Variants in POLE4 observed in about 807,000 individuals in gnomAD.
The protein encoded by POLE4 is DNA polymerase epsilon subunit 4.
A neutral mutation model predicts 15.6 loss-of-function variants in POLE4; 15 were observed. That is an observed-to-expected ratio of 0.96 (90% confidence interval 0.64 to 1.48). POLE4 has a LOEUF of 1.48. Ranked by LOEUF, POLE4 falls within the 40% of genes most tolerant of loss-of-function variation. The probability of loss-of-function intolerance (pLI) is 0.00; values close to 1 mark genes in which losing one functional copy is unlikely to be tolerated. For synonymous variants in POLE4, 83 were observed against 63.2 expected (o/e 1.31, Z -1.49); for missense variants, 205 against 151.9 (o/e 1.35, Z -1.84).
In POLE4 at chr2:74,958,658, G is replaced by A. The variant is rs891542492; in HGVS notation, c.-22G>A. On this transcript the variant is annotated 5_prime_UTR_variant, in exon 1 of 4. Transcript: ENST00000483063. ...ATGCGCGCGCACAGTCGGCGGCCGC[G>A]CGCAGCACGCTCAAGGCCGGGATGG... The A allele has an allele frequency of 7.1e-7, 1 of 1,404,006 alleles. No individual in the cohort carries two copies. Among genetic ancestry groups the A allele is most frequent in the Non-Finnish European group, 9.2e-7 (1 of 1,085,686 alleles). 87.0% of individuals were successfully genotyped at this position (1,404,006 alleles called of 1,614,324 possible).
chr2:74,958,666 C>A lies in POLE4; in HGVS notation c.-14C>A. The A allele has an allele frequency of 7.1e-7, 1 of 1,416,922 alleles. No homozygotes were observed. The highest frequency in any genetic ancestry group is 9.2e-7 in the Non-Finnish European group (1 of 1,092,580). 87.8% of individuals were successfully genotyped at this position (1,416,922 alleles called of 1,614,324 possible). ...GCACAGTCGGCGGCCGCGCGCAGCA[C>A]GCTCAAGGCCGGGATGGCGGCGGCG... On this transcript the variant is annotated 5_prime_UTR_variant, in exon 1 of 4. Coordinates refer to ENST00000483063, the MANE Select transcript of POLE4 (RefSeq NM_019896.4).
At chr2:74,968,902 C>T (rs934876345) in intron 3 of POLE4, among the ~76,000 whole-genome samples, 1 of 151,936 alleles carries the variant, frequency 6.6e-6, no homozygotes, top group Middle Eastern at 3.2e-3. Context: ...GATCAGGTTT[C>T]TGTTACTCAG....
chr2:74,959,044 C>T (rs1671172713), intron 1 of POLE4, 152 bp downstream of exon 1: 3 of 694,688 alleles, frequency 4.3e-6, no homozygotes, highest in East Asian at 5.5e-5. Context: ...GGCCGGGGAC[C>T]TGTGCGAGTT....
At position 74,959,395 on chromosome 2, in the gene POLE4, A is replaced by C. The variant is rs1671182048; in HGVS notation, c.268A>C (p.Lys90Gln). ...KDAYCCAQQG[K>Q]RKTLQRRDLD... is the part of the protein sequence containing the mutation. ...TGCCTACTGTTGCGCTCAGCAGGGA[A>C]AAAGGAAAACCCTTCAGAGGAGAGA... Residue 90 changes from lysine to glutamine, a missense_variant, in exon 2 of 4, where the codon AAA becomes CAA. Coordinates refer to ENST00000483063, the MANE Select transcript of POLE4 (RefSeq NM_019896.4). 19 of 1,613,286 alleles carry C rather than the reference A, an allele frequency of 1.2e-5. No individual in the cohort carries two copies. The highest frequency in any genetic ancestry group is 1.6e-5 in the Non-Finnish European group (19 of 1,179,226).
intron 3 of POLE4, among the ~76,000 whole-genome samples, chr2:74,965,635 T>A (rs532307223): frequency 6.6e-6 from 1 of 152,222 alleles, no homozygotes; most frequent in Non-Finnish European, 1.5e-5. Flanking sequence ...TTTCTACTTA[T>A]ATTTCTGGGT....
At chr2:74,968,932 A>G (rs1348252421) in intron 3 of POLE4, among the ~76,000 whole-genome samples, 3 of 151,982 alleles carry the variant, frequency 2.0e-5, no homozygotes, top group Non-Finnish European at 2.9e-5. Context: ...GAAATCCATT[A>G]ACTGCCAGTG....
intron 3 of POLE4, among the ~76,000 whole-genome samples, chr2:74,963,376 G>C (rs1042888880): frequency 2.0e-5 from 3 of 152,140 alleles, no homozygotes; most frequent in Admixed American, 2.0e-4. Flanking sequence ...CTGATTGTGG[G>C]TGACATTGGG....
chr2:74,968,364 A>T (rs965793704), intron 3 of POLE4, among the ~76,000 whole-genome samples: 1 of 151,998 alleles, frequency 6.6e-6, no homozygotes, highest in Non-Finnish European at 1.5e-5. Flanking sequence ...CTTTCTTCAG[A>T]TACCTGGTGA....
intron 3 of POLE4, among the ~76,000 whole-genome samples, chr2:74,965,927 A>T (rs1671288610): frequency 6.6e-6 from 1 of 152,198 alleles, no homozygotes; most frequent in South Asian, 2.1e-4. Flanking sequence ...CTAAATTCAG[A>T]CAGTCTGTGT....
At position 74,960,357 on chromosome 2, in the gene POLE4, C is replaced by T. The variant is rs1370724238; in HGVS notation, c.340+211C>T. On this transcript the variant is annotated intron_variant, in intron 3 of 3. Transcript: ENST00000483063. ...AAAATTTCTACCTGAAAATTGCTAA[C>T]CATAAAGAAATAGGAGGGAATATAA... 2.5e-5 allele frequency: 15 copies of T among 588,584 alleles called. No individual in the cohort carries two copies. In the South Asian group the frequency reaches 2.9e-4, roughly 11 times the overall value. The allele number at this position is 588,584 out of a possible 1,614,324, so 36.5% of individuals were successfully genotyped here. A position where few individuals can be genotyped will look rare whatever the true frequency, so the allele number is the denominator to read the frequency against.
intron 3 of POLE4, among the ~76,000 whole-genome samples, chr2:74,964,261 C>G (rs1323011722): frequency 6.6e-6 from 1 of 152,156 alleles, no homozygotes; most frequent in Non-Finnish European, 1.5e-5. Context: ...GTAGCTTTAT[C>G]TGAGAGAGCA....
chr2:74,958,755 C>G lies in POLE4; in HGVS notation c.76C>G (p.Gln26Glu). The change falls in exon 1 of 4, where the codon CAG becomes GAG. Residue 26 changes from glutamine to glutamate, a missense_variant. Physicochemically the swap from Gln to Glu is conservative, Grantham distance 29 (BLOSUM62 2). Transcript: ENST00000483063. ...ACCTGCTGGGGAGGCAGCGGCCTCGCAGCCCCAGGCCCCAACGAGTGTGCC... is the reference window on the plus strand; with the variant it reads ...ACCTGCTGGGGAGGCAGCGGCCTCGGAGCCCCAGGCCCCAACGAGTGTGCC... Reference protein sequence around the residue: ...EGPAGEAAASQPQAPTSVPGA... With the variant: ...EGPAGEAAASEPQAPTSVPGA... 2 of 1,530,178 alleles carry G rather than the reference C, an allele frequency of 1.3e-6. No homozygotes were observed. The highest frequency in any genetic ancestry group is 1.8e-6 in the Non-Finnish European group (2 of 1,138,650). The allele number at this position is 1,530,178 out of a possible 1,614,324, so 94.8% of individuals were successfully genotyped here.
intron 1 of POLE4, 46 bp from the exon 2 acceptor site, chr2:74,959,295 A>G (rs1671179106): frequency 7.9e-7 from 1 of 1,273,568 alleles, no homozygotes; most frequent in South Asian, 1.2e-5. Flanking sequence ...TCACCTCCTC[A>G]GTGTGTTAGA....
rs764936572 is a variant in POLE4, at chr2:74,958,894, T to TGCGCCTGCAGC, written c.213+6_213+16dup. The stretch of plus-strand genomic sequence containing the variant: ...ATCTTCATTCTGGCACGAGCCGCGG[T>TGCGCCTGCAGC]GCGCCTGCAGCGCGAGGGCATGCGG... On this transcript the variant is annotated splice_region_variant and intron_variant, in intron 1 of 3. Transcript: ENST00000483063. 3 of 1,550,446 alleles carry TGCGCCTGCAGC rather than the reference T, an allele frequency of 1.9e-6. No homozygotes were observed. The African/African-American group carries it at 4.1e-5, about 21-fold the overall frequency.
chr2:74,968,927 C>A (rs1671328374), intron 3 of POLE4, among the ~76,000 whole-genome samples: 1 of 151,938 alleles, frequency 6.6e-6, no homozygotes, highest in Non-Finnish European at 1.5e-5. Context: ...TTGTTGAAAT[C>A]CATTAACTGC....
chr2:74,966,683 C>G (rs547283694), intron 3 of POLE4, among the ~76,000 whole-genome samples: 1 of 152,172 alleles, frequency 6.6e-6, no homozygotes, highest in Non-Finnish European at 1.5e-5. Context: ...GGATTACAGG[C>G]GTGAGCTGCT....
At chr2:74,967,892 G>A (rs753287813) in intron 3 of POLE4, among the ~76,000 whole-genome samples, 2 of 151,912 alleles carry the variant, frequency 1.3e-5, no homozygotes, top group Non-Finnish European at 2.9e-5. Flanking sequence ...CTGTGAAGGG[G>A]CACTGATTAA....
At chr2:74,964,679 T>C (rs957133280) in intron 3 of POLE4, among the ~76,000 whole-genome samples, 4 of 152,278 alleles carry the variant, frequency 2.6e-5, no homozygotes, top group African/African-American at 7.2e-5. Context: ...TTAGCTGTTA[T>C]TCTTAGTTTT....
Position 74,969,398 on chromosome 2 carries a change from T to C in POLE4, c.341-11T>C. 6.2e-7 allele frequency: 1 copy of C among 1,613,668 alleles called. No homozygotes were observed. Among genetic ancestry groups the C allele is most frequent in the Non-Finnish European group, 8.5e-7 (1 of 1,179,570 alleles). ...GTCCCCTGATATACTCATTGCTCTT[T>C]GTATGTTTAGGTACTTTAGATTGAT... On this transcript the variant is annotated splice_polypyrimidine_tract_variant and intron_variant, in intron 3 of 3. Coordinates refer to ENST00000483063, the MANE Select transcript of POLE4 (RefSeq NM_019896.4).
Sources: gnomAD v4.1 joint callset for allele counts (sites outside exome capture counted in the v4.1 genomes callset) on GRCh38, gnomAD v4.1.1 for gene constraint, MANE v1.5 for transcripts, NCBI Gene and HGNC (gene_info 2026-07-23, HGNC 2026-07-21) for gene names.